The following EPHA6 variants were observed in gnomAD, a reference collection of about 807,000 sequenced individuals.
EPHA6 encodes EPH receptor A6.
EPHA6 carries 50 observed loss-of-function variants against 112.0 expected under a neutral mutation model. The ratio of observed to expected loss-of-function variants is 0.45; its 90% CI spans 0.36 to 0.56. EPHA6 has a LOEUF of 0.56. Among genes scored for constraint, EPHA6 ranks in the 20% least tolerant of loss-of-function variants. The probability of loss-of-function intolerance (pLI) is 0.00; values close to 1 mark genes in which losing one functional copy is unlikely to be tolerated. For missense variants in EPHA6, 1,280 were observed against 1,417.4 expected (o/e 0.90, Z 1.56); for synonymous variants, 529 against 490.7 (o/e 1.08, Z -1.03).
intron 2 of EPHA6, among the ~76,000 whole-genome samples, chr3:96,875,542 A>G (rs1290633498): frequency 6.6e-6 from 1 of 152,128 alleles, no homozygotes; most frequent in Non-Finnish European, 1.5e-5. Flanking sequence ...GTAACAGAAA[A>G]GCAGGTAACA....
chr3:96,927,318 G>A lies in EPHA6; in HGVS notation c.451-60012G>A, dbSNP rs188490838. 1.7e-3 allele frequency among the ~76,000 whole-genome samples: 260 copies of A among 152,306 alleles called. 2 individuals carry two copies. The South Asian group carries it at 0.029, about 17-fold the overall frequency. On this transcript the variant is annotated intron_variant, in intron 2 of 17. Coordinates refer to ENST00000389672, the MANE Select transcript of EPHA6 (RefSeq NM_001080448.3). ...TAGGCCTTAGAGCCTATGATGGGAA[G>A]GACTGCTGTGAAGGTCTCTGGCATG...
At chr3:97,021,457 C>T (rs2044457497) in intron 3 of EPHA6, among the ~76,000 whole-genome samples, 1 of 152,138 alleles carries the variant, frequency 6.6e-6, no homozygotes, top group Non-Finnish European at 1.5e-5. Flanking sequence ...CCTTTAGGGC[C>T]TTTGCATTTG....
intron 11 of EPHA6, among the ~76,000 whole-genome samples, chr3:97,562,678 C>A (rs1023188831): frequency 6.6e-6 from 1 of 152,110 alleles, no homozygotes; most frequent in Non-Finnish European, 1.5e-5. Flanking sequence ...GAATGACTCC[C>A]GTTTTGAAAG....
intron 14 of EPHA6, among the ~76,000 whole-genome samples, chr3:97,719,196 A>T (rs1400781366): frequency 2.7e-5 from 4 of 150,590 alleles, no homozygotes; most frequent in Admixed American, 1.3e-4. Flanking sequence ...CAAAGAACAC[A>T]CTTTTCTTTC....
chr3:97,175,404 T>G (rs2076809757), intron 3 of EPHA6, among the ~76,000 whole-genome samples: 1 of 151,922 alleles, frequency 6.6e-6, no homozygotes, highest in African/African-American at 2.4e-5. Flanking sequence ...CCACAGAAAT[T>G]TTAGGCTTAC....
intron 3 of EPHA6, among the ~76,000 whole-genome samples, chr3:97,218,499 C>A (rs1323481226): frequency 6.6e-6 from 1 of 152,064 alleles, no homozygotes; most frequent in Admixed American, 6.5e-5. Flanking sequence ...AAGTACCTAG[C>A]AAAGTAGGAA....
chr3:97,676,021 G>A (rs578171630), intron 14 of EPHA6, among the ~76,000 whole-genome samples: 14 of 152,220 alleles, frequency 9.2e-5, no homozygotes, highest in Admixed American at 5.2e-4. Flanking sequence ...AGGAGCAGTC[G>A]TAGAGGGGGA....
Position 96,814,669 on chromosome 3 carries a change from C to G in EPHA6, c.46C>G (p.Gln16Glu). ...PPAARSSPAPQAASSSEAAAP... is the reference protein window; with the variant it reads ...PPAARSSPAPEAASSSEAAAP... ...AGCCGCGAGGAGCTCCCCGGCGCCG[C>G]AGGCAGCGTCCTCCTCCGAAGCAGC... Residue 16 changes from glutamine (Q) to glutamate (E), a missense_variant, in exon 1 of 18, where the codon CAG becomes GAG. Gln to Glu is a conservative substitution (Grantham distance 29). Transcript: ENST00000389672. 1 of 1,481,560 alleles carries G rather than the reference C, an allele frequency of 6.7e-7. No individual in the cohort carries two copies. Among genetic ancestry groups the G allele is most frequent in the Non-Finnish European group, 9.0e-7 (1 of 1,115,334 alleles). 91.8% of individuals were successfully genotyped at this position (1,481,560 alleles called of 1,614,324 possible).
intron 3 of EPHA6, among the ~76,000 whole-genome samples, chr3:97,107,488 T>G (rs2047601922): frequency 1.3e-5 from 2 of 152,202 alleles, no homozygotes; most frequent in Non-Finnish European, 2.9e-5. Context: ...TGTACTTATC[T>G]ACTTTTATTA....
At chr3:97,377,134 C>G (rs1014818587) in intron 5 of EPHA6, among the ~76,000 whole-genome samples, 9 of 152,150 alleles carry the variant, frequency 5.9e-5, no homozygotes, top group Non-Finnish European at 8.8e-5. Flanking sequence ...TGTGTCCCCA[C>G]CCAAATCTCA....
At chr3:97,291,710 A>G (rs564123293) in intron 5 of EPHA6, among the ~76,000 whole-genome samples, 1 of 152,302 alleles carries the variant, frequency 6.6e-6, no homozygotes, top group South Asian at 2.1e-4. Flanking sequence ...GTGTGGGTAC[A>G]TATATATTTA....
At chr3:96,818,297 A>G (rs1576041482) in intron 1 of EPHA6, among the ~76,000 whole-genome samples, 2 of 152,114 alleles carry the variant, frequency 1.3e-5, no homozygotes, top group Middle Eastern at 3.4e-3. Context: ...ATACTACTTT[A>G]TAGCCTAAAT....
chr3:97,232,622 C>A (rs1297114705), intron 4 of EPHA6, among the ~76,000 whole-genome samples: 1 of 152,120 alleles, frequency 6.6e-6, no homozygotes, highest in Non-Finnish European at 1.5e-5. Context: ...GGCTGAGGGG[C>A]ATAAGTCAGT....
intron 3 of EPHA6, among the ~76,000 whole-genome samples, chr3:97,085,809 T>C (rs1474238952): frequency 6.6e-6 from 1 of 151,768 alleles, no homozygotes; most frequent in Non-Finnish European, 1.5e-5. Context: ...ACTTTTCATC[T>C]CTTTTCAGTT....
intron 11 of EPHA6, among the ~76,000 whole-genome samples, chr3:97,538,529 G>A (rs1342634436): frequency 1.3e-5 from 2 of 152,166 alleles, no homozygotes; most frequent in African/African-American, 2.4e-5. Flanking sequence ...AGGAGAACTC[G>A]ATAGATGGCT....
intron 10 of EPHA6, among the ~76,000 whole-genome samples, chr3:97,521,456 A>G (rs566917447): frequency 3.3e-5 from 5 of 152,302 alleles, no homozygotes; most frequent in East Asian, 3.9e-4. Context: ...ATGGTGGAAG[A>G]GGAAGTAAAT....
chr3:97,462,089 C>G (rs2107390893), intron 7 of EPHA6, among the ~76,000 whole-genome samples: 1 of 152,286 alleles, frequency 6.6e-6, no homozygotes, highest in Non-Finnish European at 1.5e-5. Flanking sequence ...ATTGGACTAT[C>G]TGTAAGTAAA....
chr3:97,499,192 C>T (rs940809328), intron 10 of EPHA6, among the ~76,000 whole-genome samples: 2 of 151,952 alleles, frequency 1.3e-5, no homozygotes, highest in African/African-American at 2.4e-5. Context: ...TGATTTTTAC[C>T]TGATTCTGTT....
At chr3:97,205,182 G>T (rs961077417) in intron 3 of EPHA6, among the ~76,000 whole-genome samples, 3 of 151,948 alleles carry the variant, frequency 2.0e-5, no homozygotes, top group African/African-American at 7.2e-5. Flanking sequence ...GCTTTTGCTT[G>T]TTTTTCTTTG....
Sources: allele counts gnomAD v4.1 joint callset (sites outside exome capture counted in the v4.1 genomes callset), GRCh38; gene constraint gnomAD v4.1.1; transcripts MANE v1.5; gene names NCBI Gene and HGNC (gene_info 2026-07-23, HGNC 2026-07-21).